The following MDH1 variants were observed in gnomAD, a reference collection of about 807,000 sequenced individuals.
MDH1 encodes malate dehydrogenase 1, also known as malate dehydrogenase, cytoplasmic.
In MDH1, 15 loss-of-function variants were observed where a neutral mutation model predicts 38.7. The observed-to-expected ratio is 0.39, with a 90% confidence interval of 0.26 to 0.60. The LOEUF (loss-of-function observed/expected upper bound fraction) is 0.60, where lower values mean the gene tolerates loss of function less well. MDH1 is among the 20% of genes least tolerant of loss of function. MDH1 has a pLI of 0.56. For missense variants in MDH1, 368 were observed against 405.2 expected (o/e 0.91, Z 0.79); for synonymous variants, 144 against 143.6 (o/e 1.00, Z -0.02).
chr2:63,593,981 C>A (rs1446537626), intron 1 of MDH1, among the ~76,000 whole-genome samples: 7 of 152,086 alleles, frequency 4.6e-5, no homozygotes, highest in Admixed American at 4.6e-4. Flanking sequence ...GTTGTTTCTC[C>A]CGAAATAAAA....
Position 63,606,994 on chromosome 2 carries a change from A to G in MDH1, c.*7A>G, listed in dbSNP as rs892077268. ...ATTTCTTTCCTCTGCCTGACTAGAC[A>G]ATGATGTTACTAAATGCTTCAAAGC... On this transcript the variant is annotated 3_prime_UTR_variant, in exon 9 of 9. Transcript: ENST00000233114. 1.1e-5 allele frequency: 17 copies of G among 1,607,854 alleles called. No homozygotes were observed. In the African/African-American group the frequency reaches 1.9e-4, roughly 18 times the overall value.
Position 63,595,514 on chromosome 2 carries a change from T to G in MDH1, c.194T>G (p.Leu65Arg), listed in dbSNP as rs1370504535. Reference sequence around the variant, plus strand: ...CTGCAAGACTGTGCCCTTCCCCTCCTGAAAGGTGGGTTGGGGAGTAGAGAA... The same window carrying G: ...CTGCAAGACTGTGCCCTTCCCCTCCGGAAAGGTGGGTTGGGGAGTAGAGAA... ...MELQDCALPL[L>R]KDVIATDKED... The change falls in exon 3 of 9, where the codon CTG (leucine) becomes CGG (arginine). Residue 65 changes from leucine to arginine, a missense_variant. By Grantham distance (102) the Leu-to-Arg change is moderately radical (BLOSUM62 -2). Transcript: ENST00000233114. 1.2e-6 allele frequency: 2 copies of G among 1,600,126 alleles called. No individual in the cohort carries two copies. Among genetic ancestry groups the G allele is most frequent in the Non-Finnish European group, 1.7e-6 (2 of 1,167,290 alleles).
chr2:63,596,516 G>A (rs1709314958), intron 3 of MDH1, among the ~76,000 whole-genome samples: 2 of 152,162 alleles, frequency 1.3e-5, no homozygotes, highest in African/African-American at 4.8e-5. Flanking sequence ...GGCCCAGATT[G>A]CTGTTGGTTT....
intron 1 of MDH1, 159 bp downstream of exon 1, chr2:63,589,205 C>A: frequency 6.3e-7 from 1 of 1,586,402 alleles, no homozygotes; most frequent in Non-Finnish European, 8.6e-7. Context: ...CCGCAGTGAC[C>A]CAGTAATGGG....
Position 63,606,925 on chromosome 2 carries a change from C to A in MDH1, c.943C>A (p.Leu315Ile). ...TGATTTCTCACGTGAGAAGATGGAT[C>A]TTACTGCAAAGGAACTGACAGAAGA... The part of the protein sequence containing the change: ...INDFSREKMD[L>I]TAKELTEEKE... Residue 315 changes from leucine to isoleucine, a missense_variant, in exon 9 of 9, where the codon CTT (leucine) becomes ATT (isoleucine). Transcript: ENST00000233114. 6.2e-7 allele frequency: 1 copy of A among 1,612,694 alleles called. No individual in the cohort carries two copies. Among genetic ancestry groups the A allele is most frequent in the South Asian group, 1.1e-5 (1 of 90,990 alleles).
At chr2:63,606,211 C>G (rs993065540) in intron 8 of MDH1, among the ~76,000 whole-genome samples, 183 bp downstream of exon 8, 2 of 152,088 alleles carry the variant, frequency 1.3e-5, no homozygotes, top group African/African-American at 4.8e-5. Context: ...GTGAGACCCC[C>G]TCTCTGCAAA....
chr2:63,589,439 C>A, intron 1 of MDH1: 1 of 1,509,176 alleles, frequency 6.6e-7, no homozygotes, highest in South Asian at 1.2e-5. Context: ...CTCATTTGCC[C>A]ACAGTGTTTA....
rs1000788305 is a variant in MDH1 at position 63,605,399 on chromosome 2, G to A, written c.789+6G>A. On this transcript the variant is annotated splice_donor_region_variant and intron_variant, in intron 7 of 8. Transcript: ENST00000233114. ...TCTGGTTTGGAACCCCAGAGGTAAG[G>A]ATTTAGTGATTTGCACAGGTCACTC... 3.8e-6 allele frequency: 6 copies of A among 1,581,178 alleles called. No individual in the cohort carries two copies. Among genetic ancestry groups the A allele is most frequent in the Non-Finnish European group, 5.2e-6 (6 of 1,150,022 alleles).
chr2:63,589,149 G>T, intron 1 of MDH1, 103 bp downstream of exon 1: 1 of 1,612,940 alleles, frequency 6.2e-7, no homozygotes, highest in African/African-American at 1.3e-5. Context: ...GCAAGGCACT[G>T]TCCTTCGCGC....
At chr2:63,589,915 C>T (rs1232652317) in intron 1 of MDH1, 1 of 155,090 alleles carries the variant, frequency 6.4e-6, no homozygotes, top group East Asian at 1.9e-4. Flanking sequence ...TTTATAGTTG[C>T]GACTGTTTTT....
chr2:63,599,378 T>A, intron 5 of MDH1, 86 bp downstream of exon 5: 1 of 1,413,586 alleles, frequency 7.1e-7, no homozygotes, highest in Non-Finnish European at 9.5e-7. Flanking sequence ...TCTGAGTTTG[T>A]GCTTTTTTCT....
intron 1 of MDH1, chr2:63,589,292 A>G: frequency 6.4e-7 from 1 of 1,550,800 alleles, no homozygotes; most frequent in Non-Finnish European, 8.7e-7. Flanking sequence ...CTGGGAGAGG[A>G]GCGATCTTAA....
intron 5 of MDH1, among the ~76,000 whole-genome samples, chr2:63,601,249 G>A (rs1485815527): frequency 6.6e-6 from 1 of 152,160 alleles, no homozygotes; most frequent in Non-Finnish European, 1.5e-5. Flanking sequence ...TATCCAGTGA[G>A]AAAAATAACA....
In MDH1 at chr2:63,605,946, T is replaced by G; in HGVS notation, c.797T>G (p.Phe266Cys). The G allele has an allele frequency of 6.2e-7, 1 of 1,613,558 alleles. No homozygotes were observed. Among genetic ancestry groups the G allele is most frequent in the Non-Finnish European group, 8.5e-7 (1 of 1,179,442 alleles). ...AAACATTGTTATTTTCAGGGAGAGT[T>G]TGTGTCCATGGGTGTTATCTCTGAT... Reference protein sequence around the residue: ...DIWFGTPEGEFVSMGVISDGN... With the variant: ...DIWFGTPEGECVSMGVISDGN... The change falls in exon 8 of 9, where the codon TTT (phenylalanine) becomes TGT (cysteine). Residue 266 changes from phenylalanine to cysteine, a missense_variant. By Grantham distance (205) the Phe-to-Cys change is radical. Transcript: ENST00000233114.
intron 5 of MDH1, among the ~76,000 whole-genome samples, chr2:63,603,866 A>G (rs1312850293): frequency 6.6e-6 from 1 of 152,174 alleles, no homozygotes; most frequent in African/African-American, 2.4e-5. Flanking sequence ...CATGTTGGTC[A>G]GGCTGGTCTC....
At chr2:63,601,113 T>G (rs577716384) in intron 5 of MDH1, among the ~76,000 whole-genome samples, 1 of 152,200 alleles carries the variant, frequency 6.6e-6, no homozygotes, top group African/African-American at 2.4e-5. Flanking sequence ...TAACCTTCAC[T>G]TGGGGACATG....
chr2:63,594,626 A>G (rs1382975303), intron 2 of MDH1, 40 bp downstream of exon 2: 1 of 1,357,858 alleles, frequency 7.4e-7, no homozygotes, highest in African/African-American at 1.5e-5. Context: ...TATTAGAGTA[A>G]GAATATGGTT....
rs982793817 is a variant in MDH1, at chr2:63,605,208, C to G, written c.676-72C>G. 9.0e-6 allele frequency: 9 copies of G among 996,500 alleles called. No individual in the cohort carries two copies. In the East Asian group the frequency reaches 2.3e-4, roughly 25 times the overall value. The allele number at this position is 996,500 out of a possible 1,614,324, so 61.7% of individuals were successfully genotyped here. A position where few individuals can be genotyped will look rare whatever the true frequency, so the allele number is the denominator to read the frequency against. Reference sequence around the variant, plus strand: ...TGGTCATAGCTTTTCACCCCAAGGTCGACTTGGAATTAATGAAAACTTTGC... The same window carrying G: ...TGGTCATAGCTTTTCACCCCAAGGTGGACTTGGAATTAATGAAAACTTTGC... On this transcript the variant is annotated intron_variant, in intron 6 of 8. Coordinates refer to ENST00000233114, the MANE Select transcript of MDH1 (RefSeq NM_005917.4).
At chr2:63,593,603 C>G (rs1709243898) in intron 1 of MDH1, 2 of 471,576 alleles carry the variant, frequency 4.2e-6, no homozygotes, top group South Asian at 3.1e-5. Flanking sequence ...GGCTTAGTCA[C>G]ATCAGTGGAC....
Sources: gnomAD v4.1 joint callset for allele counts (sites outside exome capture counted in the v4.1 genomes callset) on GRCh38, gnomAD v4.1.1 for gene constraint, MANE v1.5 for transcripts, NCBI Gene and HGNC (gene_info 2026-07-23, HGNC 2026-07-21) for gene names.